RANBP2: variants seen among roughly 807,000 people sequenced by gnomAD.
RANBP2 encodes RAN binding protein 2.
RANBP2 carries 57 observed loss-of-function variants against 303.6 expected under a neutral mutation model. The observed-to-expected ratio is 0.19, with a 90% CI of 0.15 to 0.23. RANBP2 has a LOEUF of 0.23. Ranked by LOEUF, RANBP2 falls within the 10% of genes least tolerant of loss-of-function variation. The probability of loss-of-function intolerance (pLI) is 1.00; values close to 1 mark genes in which losing one functional copy is unlikely to be tolerated. For synonymous variants in RANBP2, 1,167 were observed against 1,301.5 expected, an observed-to-expected ratio of 0.90 and a Z score of 2.23; for missense variants, 3,138 against 3,780.8, an observed-to-expected ratio of 0.83 and a Z score of 4.46.
chr2:109,024,441 T>C, the RANBP2 span, among the ~76,000 whole-genome samples: 1 of 152,358 alleles, frequency 6.6e-6, no homozygotes, highest in East Asian at 1.9e-4. Context: ...ACTTTGCAGG[T>C]AGATTCCTGA....
At chr2:109,713,921 G>A in the RANBP2 span, among the ~76,000 whole-genome samples, 1 of 152,108 alleles carries the variant, frequency 6.6e-6, no homozygotes, top group Non-Finnish European at 1.5e-5. Flanking sequence ...AATTCTCCAG[G>A]GGACACCAGC....
At chr2:109,227,915 C>T in the RANBP2 span, among the ~76,000 whole-genome samples, 3 of 152,292 alleles carry the variant, frequency 2.0e-5, no homozygotes, top group African/African-American at 4.8e-5. Context: ...TGATGGTGAC[C>T]GTCATTCCTG....
chr2:109,464,779 G>C, the RANBP2 span, among the ~76,000 whole-genome samples: 1 of 152,132 alleles, frequency 6.6e-6, no homozygotes, highest in East Asian at 1.9e-4. Flanking sequence ...ACACCAAAGT[G>C]GTACATGTGT....
At chr2:109,272,798 T>G in the RANBP2 span, among the ~76,000 whole-genome samples, 1 of 152,198 alleles carries the variant, frequency 6.6e-6, no homozygotes, top group Non-Finnish European at 1.5e-5. Context: ...CAGCCCCCGG[T>G]ACTGCCGCAC....
chr2:109,699,778 A>G, the RANBP2 span, among the ~76,000 whole-genome samples: 1 of 152,038 alleles, frequency 6.6e-6, no homozygotes, highest in Non-Finnish European at 1.5e-5. Context: ...CTGTGCAGTG[A>G]TTTTCTCTCA....
chr2:109,524,469 A>AAAAAAAAAAAAAAAAAC, the RANBP2 span, among the ~76,000 whole-genome samples: 28 of 80,880 alleles, frequency 3.5e-4, 1 homozygote, highest in East Asian at 3.7e-3. Context: ...AAAAAAAACA[A>AAAAAAAAAAAAAAAAAC]AACAACACTG....
chr2:108,973,446 C>G, the RANBP2 span, among the ~76,000 whole-genome samples: 11 of 152,222 alleles, frequency 7.2e-5, no homozygotes, highest in African/African-American at 2.7e-4. Context: ...TGCTGGCTGC[C>G]TCCTGCCTTC....
the RANBP2 span, among the ~76,000 whole-genome samples, chr2:108,854,357 C>T: frequency 6.6e-6 from 1 of 151,580 alleles, no homozygotes; most frequent in African/African-American, 2.4e-5. Flanking sequence ...TGAATCTTAG[C>T]TTCACTACTA....
chr2:108,870,428 G>T, the RANBP2 span, among the ~76,000 whole-genome samples: 1 of 152,282 alleles, frequency 6.6e-6, no homozygotes, highest in East Asian at 1.9e-4. Context: ...AAGAGAAAGG[G>T]TGGAAAGATA....
chr2:108,960,256 C>T, the RANBP2 span, among the ~76,000 whole-genome samples: 1 of 152,164 alleles, frequency 6.6e-6, no homozygotes, highest in South Asian at 2.1e-4. Flanking sequence ...GAGGATCCCC[C>T]AAGGTTTTAA....
chr2:109,582,974 T>C, the RANBP2 span, among the ~76,000 whole-genome samples: 1 of 152,180 alleles, frequency 6.6e-6, no homozygotes, highest in Non-Finnish European at 1.5e-5. Flanking sequence ...TGGCTAGCCA[T>C]ATGCAGAAGA....
the RANBP2 span, among the ~76,000 whole-genome samples, chr2:109,656,781 G>A: frequency 0.18 from 27,510 of 152,266 alleles, 3,207 homozygotes; most frequent in Middle Eastern, 0.28. Flanking sequence ...AGTATTCTGA[G>A]TTTTCTTCAA....
the RANBP2 span, among the ~76,000 whole-genome samples, chr2:109,077,641 C>A: frequency 6.7e-6 from 1 of 150,310 alleles, no homozygotes; most frequent in Non-Finnish European, 1.5e-5. Flanking sequence ...TAAAAATGGG[C>A]AAAGGACTTG....
At chr2:108,863,033 T>TA in the RANBP2 span, among the ~76,000 whole-genome samples, 3 of 152,232 alleles carry the variant, frequency 2.0e-5, no homozygotes, top group African/African-American at 7.2e-5. Context: ...ATCTAGAACT[T>TA]ACTTCTGAAT....
At chr2:109,514,635 C>T in the RANBP2 span, among the ~76,000 whole-genome samples, 1 of 152,216 alleles carries the variant, frequency 6.6e-6, no homozygotes, top group African/African-American at 2.4e-5. Context: ...CTTGAGCCTG[C>T]AGTGCTCTGC....
At chr2:108,880,017 G>T in the RANBP2 span, among the ~76,000 whole-genome samples, 3 of 152,124 alleles carry the variant, frequency 2.0e-5, no homozygotes, top group African/African-American at 7.2e-5. Context: ...GGTTGAGCTG[G>T]TGGCAAAGTA....
chr2:108,991,868 G>T, the RANBP2 span, among the ~76,000 whole-genome samples: 1 of 152,274 alleles, frequency 6.6e-6, no homozygotes, highest in Admixed American at 6.5e-5. Flanking sequence ...GTGCAGTAGC[G>T]TGATCTTGGC....
the RANBP2 span, among the ~76,000 whole-genome samples, chr2:108,933,508 GC>G: frequency 1.3e-5 from 2 of 152,174 alleles, no homozygotes. Flanking sequence ...TCGGCTGTTG[GC>G]CCAGTCACCT....
chr2:108,908,062 G>T, the RANBP2 span: 1 of 1,563,514 alleles, frequency 6.4e-7, no homozygotes, highest in South Asian at 1.2e-5. Context: ...GCCTGGGGGG[G>T]CTGCAGCCCT....
Sources: gnomAD v4.1 joint callset for allele counts (sites outside exome capture counted in the v4.1 genomes callset) on GRCh38, gnomAD v4.1.1 for gene constraint, MANE v1.5 for transcripts, NCBI Gene and HGNC (gene_info 2026-07-23, HGNC 2026-07-21) for gene names.